The following NEDD4L variants were observed in gnomAD, a reference collection of about 807,000 sequenced individuals.
NEDD4L encodes the protein E3 ubiquitin-protein ligase NEDD4-like.
A neutral mutation model predicts 148.9 loss-of-function variants in NEDD4L; 54 were observed. The ratio of observed to expected loss-of-function variants is 0.36; its 90% confidence interval spans 0.29 to 0.45. NEDD4L has a LOEUF of 0.45. Ranked by LOEUF, NEDD4L falls within the 20% of genes least tolerant of loss-of-function variation. The pLI, the probability that NEDD4L is intolerant of heterozygous loss-of-function variation, is 1.00. For missense variants in NEDD4L, 856 were observed against 1,233.8 expected, an observed-to-expected ratio of 0.69 and a Z score of 4.59; for synonymous variants, 433 against 440.7, an observed-to-expected ratio of 0.98 and a Z score of 0.22.
intron 1 of NEDD4L, among the ~76,000 whole-genome samples, chr18:58,116,317 T>C (rs1568237794): frequency 6.6e-6 from 1 of 152,234 alleles, no homozygotes; most frequent in Non-Finnish European, 1.5e-5. Context: ...ATTAAAATAC[T>C]GTGTTTTTGT....
chr18:58,179,801 T>C (rs1222937571), intron 2 of NEDD4L, among the ~76,000 whole-genome samples: 1 of 152,000 alleles, frequency 6.6e-6, no homozygotes, highest in Non-Finnish European at 1.5e-5. Flanking sequence ...ACTGATTCTA[T>C]ATTATGAAGA....
intron 5 of NEDD4L, among the ~76,000 whole-genome samples, chr18:58,298,963 G>A (rs2056083076): frequency 1.3e-5 from 2 of 152,216 alleles, no homozygotes; most frequent in African/African-American, 2.4e-5. Flanking sequence ...GATGACAGTT[G>A]CCTTCTAAAT....
In NEDD4L at chr18:58,282,898, G is replaced by C. The variant is rs562356602; in HGVS notation, c.297+30844G>C. 3.9e-5 allele frequency among the ~76,000 whole-genome samples: 6 copies of C among 152,196 alleles called. No individual in the cohort carries two copies. In the East Asian group the frequency reaches 1.2e-3, roughly 29 times the overall value. The stretch of plus-strand genomic sequence containing the variant: ...ATCTCAGTGAATTAACCCACAAAGG[G>C]GGATTTTCTTGCTCACAATACACAA... On this transcript the variant is annotated intron_variant, in intron 5 of 30. Transcript: ENST00000400345.
chr18:58,044,757 C>T, intron 1 of NEDD4L, 49 bp downstream of exon 1: 1 of 1,588,934 alleles, frequency 6.3e-7, no homozygotes, highest in Non-Finnish European at 8.6e-7. Context: ...AGTTCCTATC[C>T]CGCGCCGGCA....
intron 2 of NEDD4L, among the ~76,000 whole-genome samples, chr18:58,234,331 C>T (rs1201315188): frequency 7.3e-6 from 1 of 136,910 alleles, no homozygotes; most frequent in Non-Finnish European, 1.6e-5. Flanking sequence ...TCCTTCTCTC[C>T]CTCCCTCCCT....
At chr18:58,372,915 T>A (rs928944941) in intron 23 of NEDD4L, among the ~76,000 whole-genome samples, 5 of 151,762 alleles carry the variant, frequency 3.3e-5, no homozygotes, top group Non-Finnish European at 1.5e-5. Context: ...GGCAGCTCCA[T>A]CCACCATCCA....
At chr18:58,112,853 G>A (rs1393760829) in intron 1 of NEDD4L, among the ~76,000 whole-genome samples, 1 of 152,154 alleles carries the variant, frequency 6.6e-6, no homozygotes, top group African/African-American at 2.4e-5. Context: ...CTGAATATTT[G>A]CATCCTAAAC....
chr18:58,360,742 T>TTGTGTGTGTGTG (rs10665833), intron 19 of NEDD4L, among the ~76,000 whole-genome samples: 3 of 145,976 alleles, frequency 2.1e-5, no homozygotes, highest in African/African-American at 7.6e-5. Flanking sequence ...AGTTTATAAT[T>TTGTGTGTGTGTG]TGTGTGTGTG....
chr18:58,256,114 A>G lies in NEDD4L; in HGVS notation c.297+4060A>G. ...CCCCCGGGAGCTCCCCTCCGAGGGC[A>G]GCCCGGGACCCAGGGCTCCAGGTCA... On this transcript the variant is annotated intron_variant, in intron 5 of 30. Coordinates refer to ENST00000400345, the MANE Select transcript of NEDD4L (RefSeq NM_001144967.3). The surrounding 1 kb of genome is among the most constrained non-coding windows in gnomAD (Gnocchi z 5.2). 2.4e-6 allele frequency: 3 copies of G among 1,226,492 alleles called. No individual in the cohort carries two copies. Among genetic ancestry groups the G allele is most frequent in the Non-Finnish European group, 3.0e-6 (3 of 984,636 alleles). 76.0% of individuals were successfully genotyped at this position (1,226,492 alleles called of 1,614,324 possible).
At chr18:58,394,347 C>T (rs548598248) in intron 30 of NEDD4L, among the ~76,000 whole-genome samples, 4 of 152,352 alleles carry the variant, frequency 2.6e-5, no homozygotes, top group African/African-American at 4.8e-5. Context: ...CTTGACATCC[C>T]GTCTTTGCCT....
At chr18:58,356,177 C>T (rs985373784) in intron 18 of NEDD4L, among the ~76,000 whole-genome samples, 10 of 152,134 alleles carry the variant, frequency 6.6e-5, no homozygotes, top group Non-Finnish European at 1.2e-4. Flanking sequence ...AGGTTGGGCC[C>T]GAACTCCTGG....
In NEDD4L at chr18:58,313,432, A is replaced by C. The variant is rs149381366; in HGVS notation, c.298-2550A>C. ...CATAGCAAATAAGCATTTTACCAGA[A>C]CCCTCTGAAGTCTCATCAGACTGTG... On this transcript the variant is annotated intron_variant, in intron 5 of 30. Transcript: ENST00000400345. Among the ~76,000 whole-genome samples the C allele has an allele frequency of 3.9e-3, 600 of 152,258 alleles. 3 individuals carry two copies. The highest frequency in any genetic ancestry group is 0.01 in the African/African-American group (422 of 41,538).
In NEDD4L at chr18:58,324,909, G is replaced by GA. The variant is rs1036616499; in HGVS notation, c.514-85dup. 10 of 1,250,916 alleles carry GA rather than the reference G, an allele frequency of 8.0e-6. No homozygotes were observed. In the Admixed American group the frequency reaches 1.4e-4, roughly 18 times the overall value. 77.5% of individuals were successfully genotyped at this position (1,250,916 alleles called of 1,614,324 possible). On this transcript the variant is annotated intron_variant, in intron 8 of 30. Transcript: ENST00000400345. ...GAGCCAGAGAGCCCCAGAGCAAGGA[G>GA]AAGGGCATGCAGGGCATGCTGTGAT...
chr18:58,137,568 G>T (rs2032988623), intron 1 of NEDD4L, among the ~76,000 whole-genome samples: 1 of 152,204 alleles, frequency 6.6e-6, no homozygotes, highest in South Asian at 2.1e-4. Context: ...TGTATTCACT[G>T]CCTGTCCTTT....
chr18:58,322,307 C>T, intron 6 of NEDD4L, 118 bp from the exon 7 acceptor site: 1 of 740,594 alleles, frequency 1.4e-6, no homozygotes, highest in Non-Finnish European at 2.4e-6. Flanking sequence ...TGAAGAAACA[C>T]ATTCAGCGGT....
At chr18:58,369,430 TG>T (rs2046533556) in intron 22 of NEDD4L, among the ~76,000 whole-genome samples, 1 of 75,138 alleles carries the variant, frequency 1.3e-5, no homozygotes, top group Admixed American at 1.2e-4. Context: ...TTCCCACAGA[TG>T]GGAATGTCCC....
intron 1 of NEDD4L, among the ~76,000 whole-genome samples, chr18:58,069,656 C>A (rs966269716): frequency 6.6e-6 from 1 of 152,094 alleles, no homozygotes; most frequent in Non-Finnish European, 1.5e-5. Context: ...TGGTAAATAT[C>A]CCACTGAAAT....
intron 1 of NEDD4L, among the ~76,000 whole-genome samples, chr18:58,117,288 C>T (rs2085911280): frequency 6.6e-6 from 1 of 152,210 alleles, no homozygotes; most frequent in Admixed American, 6.5e-5. Flanking sequence ...TCCTCATTAC[C>T]ATCCAGAATA....
At chr18:58,282,546 G>A (rs2053296246) in intron 5 of NEDD4L, among the ~76,000 whole-genome samples, 1 of 152,162 alleles carries the variant, frequency 6.6e-6, no homozygotes, top group Non-Finnish European at 1.5e-5. Context: ...TGAATGGTTG[G>A]GTAAATGAAC....
Sources: gnomAD v4.1 joint callset for allele counts (sites outside exome capture counted in the v4.1 genomes callset) on GRCh38, gnomAD v4.1.1 for gene constraint, Gnocchi (gnomAD v3.1) non-coding constraint, MANE v1.5 for transcripts, NCBI Gene and HGNC (gene_info 2026-07-23, HGNC 2026-07-21) for gene names.